Variants in TRIML2 observed in about 807,000 individuals in gnomAD.
The protein encoded by TRIML2 is tripartite motif family like 2, also known as probable E3 ubiquitin-protein ligase TRIML2.
A neutral mutation model predicts 31.2 loss-of-function variants in TRIML2; 28 were observed. The ratio of observed to expected loss-of-function variants is 0.90; its 90% confidence interval spans 0.66 to 1.23. TRIML2 has a LOEUF of 1.23. Among genes scored for constraint, TRIML2 ranks in the 50% most tolerant of loss-of-function variants. TRIML2 has a pLI of 0.00. For synonymous variants in TRIML2, 187 were observed against 197.5 expected, an observed-to-expected ratio of 0.95 and a Z score of 0.45; for missense variants, 536 against 528.3, an observed-to-expected ratio of 1.01 and a Z score of -0.14.
At chr4:188,103,530 C>T (rs1304608784) in intron 3 of TRIML2, among the ~76,000 whole-genome samples, 3 of 152,092 alleles carry the variant, frequency 2.0e-5, no homozygotes, top group Non-Finnish European at 1.5e-5. Context: ...CCAGGCCTTT[C>T]CTCTGCCTAG....
intron 3 of TRIML2, among the ~76,000 whole-genome samples, chr4:188,102,518 GTCATCTTAGAGATGCTTAAATAGCA>G (rs1277744382): frequency 1.3e-5 from 2 of 152,082 alleles, no homozygotes; most frequent in Non-Finnish European, 2.9e-5. Flanking sequence ...TTTGAAAGTA[GTCATCTTAGAGATGCTTAAATAGCA>G]TCTCTATTAA....
intron 7 of TRIML2, among the ~76,000 whole-genome samples, chr4:188,095,065 T>C (rs139561234): frequency 6.6e-6 from 1 of 152,074 alleles, no homozygotes; most frequent in Non-Finnish European, 1.5e-5. Context: ...AATGGATACA[T>C]GTGAGTCAAA....
At chr4:188,106,241 CG>C (rs1288660971) in intron 1 of TRIML2, among the ~76,000 whole-genome samples, 2 of 152,058 alleles carry the variant, frequency 1.3e-5, no homozygotes, top group East Asian at 3.9e-4. Context: ...GTAGTAGAGA[CG>C]GGGTTTCACC....
chr4:188,098,239 A>G (rs2111167976), intron 5 of TRIML2: 1 of 455,330 alleles, frequency 2.2e-6, no homozygotes, highest in East Asian at 7.0e-5. Flanking sequence ...GCAGAAATTC[A>G]TTTCTCGCAG....
chr4:188,095,711 G>C (rs1733475563), intron 7 of TRIML2, among the ~76,000 whole-genome samples: 1 of 152,164 alleles, frequency 6.6e-6, no homozygotes, highest in Non-Finnish European at 1.5e-5. Flanking sequence ...CCCACCCTTA[G>C]ACAGTCAATC....
chr4:188,094,944 CCTATT>C (rs1733437399), intron 7 of TRIML2, among the ~76,000 whole-genome samples: 2 of 152,102 alleles, frequency 1.3e-5, no homozygotes, highest in Non-Finnish European at 2.9e-5. Flanking sequence ...CATCAATAGA[CCTATT>C]AGAGTCACAA....
At chr4:188,092,290 T>C (rs1424859835) in intron 7 of TRIML2, among the ~76,000 whole-genome samples, 2 of 151,830 alleles carry the variant, frequency 1.3e-5, no homozygotes, top group African/African-American at 2.4e-5. Flanking sequence ...TGAAACCCCA[T>C]CTCTACTAAA....
intron 1 of TRIML2, chr4:188,106,813 A>C (rs1734062725): frequency 4.1e-6 from 1 of 245,350 alleles, no homozygotes; most frequent in Admixed American, 4.4e-5. Flanking sequence ...ACTCTTGCTA[A>C]GGTGGCCAAG....
chr4:188,091,385 A>C lies in TRIML2; in HGVS notation c.1302T>G (p.Thr434=). 6.2e-7 allele frequency: 1 copy of C among 1,613,392 alleles called. No individual in the cohort carries two copies. Among genetic ancestry groups the C allele is most frequent in the East Asian group, 2.2e-5 (1 of 44,864 alleles). Residue 434 remains threonine (T), a synonymous_variant, in exon 8 of 8, where the codon ACT becomes ACG. Coordinates refer to ENST00000682553, the MANE Select transcript of TRIML2 (RefSeq NM_173553.4). The part of the protein sequence containing the change: ...ILQHGPSCDA[T]VSP ...TACACACAGAAGATTAAGGGCTAACAGTAGCATCACAAGAAGGACCATGTT... is the reference window on the plus strand; with the variant it reads ...TACACACAGAAGATTAAGGGCTAACCGTAGCATCACAAGAAGGACCATGTT...
At position 188,091,614 on chromosome 4, in the gene TRIML2, A is replaced by G. The variant is rs1161011180; in HGVS notation, c.1073T>C (p.Leu358Pro). Reference protein sequence around the residue: ...TEWTLWVFPPLKRLFLEKKLD... With the variant: ...TEWTLWVFPPPKRLFLEKKLD... Reference sequence around the variant, plus strand: ...CTTCTTTTCCAGGAAGAGCCTTTTCAGAGGGGGGAAGACCCAGAGAGTCCA... The same window carrying G: ...CTTCTTTTCCAGGAAGAGCCTTTTCGGAGGGGGGAAGACCCAGAGAGTCCA... The change falls in exon 8 of 8, where the codon CTG becomes CCG. Residue 358 changes from leucine (L) to proline (P), a missense_variant. Coordinates refer to ENST00000682553, the MANE Select transcript of TRIML2 (RefSeq NM_173553.4). 2 of 1,614,070 alleles carry G rather than the reference A, an allele frequency of 1.2e-6. No homozygotes were observed. Among genetic ancestry groups the G allele is most frequent in the African/African-American group, 1.3e-5 (1 of 74,940 alleles).
chr4:188,096,980 TG>T, intron 7 of TRIML2, 80 bp downstream of exon 7: 1 of 1,072,940 alleles, frequency 9.3e-7, no homozygotes, highest in South Asian at 1.3e-5. Flanking sequence ...TACTGGAATT[TG>T]TTTTCATTTA....
At chr4:188,105,045 G>T (rs1419442608) in intron 2 of TRIML2, 113 bp from the exon 3 acceptor site, 1 of 1,412,184 alleles carries the variant, frequency 7.1e-7, no homozygotes, top group Non-Finnish European at 9.9e-7. Flanking sequence ...TTAGGTTGAA[G>T]GTTCAACGAA....
chr4:188,097,078 A>T lies in TRIML2; in HGVS notation c.728T>A (p.Met243Lys), dbSNP rs763088070. ...CAACTTACTCTGGAGTACTCTGAAC[A>T]TGCTGCTGAGTCCTCTTATGTGGCA... is the stretch of plus-strand genomic sequence containing the variant. ...SLCHIRGLSS[M>K]FRVLQRHLTL... The change falls in exon 7 of 8, where the codon ATG (methionine) becomes AAG (lysine). Residue 243 changes from methionine to lysine, a missense_variant. Coordinates refer to ENST00000682553, the MANE Select transcript of TRIML2 (RefSeq NM_173553.4). 6.2e-7 allele frequency: 1 copy of T among 1,613,446 alleles called. No homozygotes were observed. Among genetic ancestry groups the T allele is most frequent in the Admixed American group, 1.7e-5 (1 of 60,004 alleles).
chr4:188,105,341 G>A lies in TRIML2; in HGVS notation c.28C>T (p.Gln10Ter), dbSNP rs1042335639. ...TAGGCATCTTCTGTGATGTTGTGCTGTAACTGAGGGCTGAGCCTTTTGGAC... is the reference window on the plus strand; with the variant it reads ...TAGGCATCTTCTGTGATGTTGTGCTATAACTGAGGGCTGAGCCTTTTGGAC... MSKRLSPQL[Q>*]HNITEDAYCE... The change falls in exon 2 of 8, where the codon CAG becomes TAG. Residue 10 changes from glutamine to a stop codon, truncating the protein, a stop_gained. Coordinates refer to ENST00000682553, the MANE Select transcript of TRIML2 (RefSeq NM_173553.4). LOFTEE classifies it high-confidence loss of function. The A allele has an allele frequency of 1.9e-6, 3 of 1,593,024 alleles. No individual in the cohort carries two copies. The highest frequency in any genetic ancestry group is 2.3e-5 in the East Asian group (1 of 44,332).
rs536675597 is a variant in TRIML2 at position 188,105,707 on chromosome 4, G to A, written c.-222-117C>T. ...ATTACAAGGAACAGCACTCACTTAC[G>A]AGTCATTCAGGGGAAAACAGTGCTC... On this transcript the variant is annotated intron_variant, in intron 1 of 7. Transcript: ENST00000682553. The A allele has an allele frequency of 7.8e-5, 16 of 205,612 alleles. No individual in the cohort carries two copies. The South Asian group carries it at 1.2e-3, about 15-fold the overall frequency. 12.7% of individuals were successfully genotyped at this position (205,612 alleles called of 1,614,324 possible). A position where few individuals can be genotyped will look rare whatever the true frequency, so the allele number is the denominator to read the frequency against.
rs761237524 is a variant in TRIML2, at chr4:188,099,000, G to C, written c.621+35C>G. 5.0e-6 allele frequency: 8 copies of C among 1,612,182 alleles called. No homozygotes were observed. The South Asian group carries it at 7.7e-5, about 16-fold the overall frequency. ...TCCACTTCTCATTTCTCAAATACTG[G>C]AATGAATTTTATTTTCTTTTTCCCA... On this transcript the variant is annotated intron_variant, in intron 5 of 7. Transcript: ENST00000682553.
At position 188,091,601 on chromosome 4, in the gene TRIML2, G is replaced by A. The variant is rs1313602886; in HGVS notation, c.1086C>T (p.Phe362=). 7 of 1,614,014 alleles carry A rather than the reference G, an allele frequency of 4.3e-6. No homozygotes were observed. Among genetic ancestry groups the A allele is most frequent in the Middle Eastern group, 1.6e-4 (1 of 6,084 alleles). ...CAACTGTGTCCAACTTCTTTTCCAG[G>A]AAGAGCCTTTTCAGAGGGGGGAAGA... ...LWVFPPLKRL[F]LEKKLDTVGV... Residue 362 remains phenylalanine (F), a synonymous_variant, in exon 8 of 8, where the codon TTC becomes TTT. Coordinates refer to ENST00000682553, the MANE Select transcript of TRIML2 (RefSeq NM_173553.4).
chr4:188,092,263 C>G (rs1288427244), intron 7 of TRIML2, among the ~76,000 whole-genome samples: 1 of 151,984 alleles, frequency 6.6e-6, no homozygotes, highest in African/African-American at 2.4e-5. Context: ...AGTTCAAGAC[C>G]AGCCTGGTCA....
intron 4 of TRIML2, among the ~76,000 whole-genome samples, chr4:188,099,971 A>T (rs550852414): frequency 1.2e-4 from 19 of 152,304 alleles, no homozygotes; most frequent in African/African-American, 3.6e-4. Flanking sequence ...CAACTTGAGT[A>T]TGTTATTTAG....
Sources: allele counts gnomAD v4.1 joint callset (sites outside exome capture counted in the v4.1 genomes callset), GRCh38; gene constraint gnomAD v4.1.1; transcripts MANE v1.5; gene names NCBI Gene and HGNC (gene_info 2026-07-23, HGNC 2026-07-21).